The following PTPN2 variants were observed in gnomAD, a reference collection of about 807,000 sequenced individuals.
PTPN2 encodes protein tyrosine phosphatase non-receptor type 2.
PTPN2 carries 19 observed loss-of-function variants against 57.3 expected under a neutral mutation model. That is an observed-to-expected ratio of 0.33 (90% CI 0.23 to 0.49). PTPN2 has a LOEUF of 0.49. PTPN2 is among the 20% of genes least tolerant of loss of function. The pLI is 0.99. For synonymous variants in PTPN2, 153 were observed against 164.9 expected (o/e 0.93, Z 0.55); for missense variants, 358 against 501.1 (o/e 0.71, Z 2.73).
Position 12,792,166 on chromosome 18 carries a change from T to C in PTPN2, c.*2112A>G. On this transcript the variant is annotated 3_prime_UTR_variant, in exon 9 of 9. Coordinates refer to ENST00000309660, the MANE Select transcript of PTPN2 (RefSeq NM_002828.4). ...ACACAGGCACATGTTATATAAATCT[T>C]ATTTAATATGTAGTACCACCTACAT... The C allele has an allele frequency of 1.1e-5, 10 of 874,076 alleles. No homozygotes were observed. Among genetic ancestry groups the C allele is most frequent in the Non-Finnish European group, 1.4e-5 (10 of 727,950 alleles). 54.1% of individuals were successfully genotyped at this position (874,076 alleles called of 1,614,324 possible).
intron 1 of PTPN2, among the ~76,000 whole-genome samples, chr18:12,872,663 A>T (rs1023755168): frequency 1.3e-5 from 2 of 152,186 alleles, no homozygotes; most frequent in African/African-American, 4.8e-5. Context: ...CTAAAACCAC[A>T]TGCTAAGTTT....
chr18:12,841,154 G>A (rs1408489816), intron 2 of PTPN2, among the ~76,000 whole-genome samples: 1 of 152,166 alleles, frequency 6.6e-6, no homozygotes, highest in African/African-American at 2.4e-5. Context: ...ACCTGAATAG[G>A]CCTAGTGAGA....
chr18:12,833,317 T>C (rs959939478), intron 3 of PTPN2, among the ~76,000 whole-genome samples: 1 of 152,212 alleles, frequency 6.6e-6, no homozygotes, highest in African/African-American at 2.4e-5. Context: ...GTATCCTCCA[T>C]TCCAAACAAC....
At position 12,793,634 on chromosome 18, in the gene PTPN2, G is replaced by C. The variant is rs2041052670; in HGVS notation, c.*644C>G. 3.1e-6 allele frequency: 3 copies of C among 981,658 alleles called. No homozygotes were observed. Among genetic ancestry groups the C allele is most frequent in the Admixed American group, 6.1e-5 (1 of 16,276 alleles). The allele number at this position is 981,658 out of a possible 1,614,324, so 60.8% of individuals were successfully genotyped here. Reference sequence around the variant, plus strand: ...AAATTGCTTATTCCAACTTCTAACTGCTCATATCAAACTTCTCTTTAGAAA... The same window carrying C: ...AAATTGCTTATTCCAACTTCTAACTCCTCATATCAAACTTCTCTTTAGAAA... On this transcript the variant is annotated 3_prime_UTR_variant, in exon 9 of 9. Coordinates refer to ENST00000309660, the MANE Select transcript of PTPN2 (RefSeq NM_002828.4).
At position 12,870,293 on chromosome 18, in the gene PTPN2, A is replaced by G. The variant is rs1439681780; in HGVS notation, c.70-11039T>C. Among the ~76,000 whole-genome samples, 164 of 73,716 alleles carry G rather than the reference A, an allele frequency of 2.2e-3. 7 individuals are homozygous for G. Among genetic ancestry groups the G allele is most frequent in the African/African-American group, 0.011 (159 of 13,926 alleles). The allele number at this position is 73,716 out of a possible 152,430, so 48.4% of individuals were successfully genotyped here. Reference sequence around the variant, plus strand: ...TATATGTATATATATACATATACATATATATGTGTATATATACATATATAT... The same window carrying G: ...TATATGTATATATATACATATACATGTATATGTGTATATATACATATATAT... On this transcript the variant is annotated intron_variant, in intron 1 of 8. Coordinates refer to ENST00000309660, the MANE Select transcript of PTPN2 (RefSeq NM_002828.4).
intron 2 of PTPN2, among the ~76,000 whole-genome samples, chr18:12,848,581 T>C (rs2043289992): frequency 6.6e-6 from 1 of 152,244 alleles, no homozygotes; most frequent in South Asian, 2.1e-4. Context: ...AGTCCAGGTC[T>C]CATAGAGATG....
At chr18:12,788,527 C>G (rs2040903490), downstream of PTPN2, among the ~76,000 whole-genome samples, 1 of 150,434 alleles carries the variant, frequency 6.6e-6, no homozygotes, top group East Asian at 2.0e-4. Context: ...CCAGCCTCGG[C>G]CTCCCAAAGT....
intron 3 of PTPN2, among the ~76,000 whole-genome samples, chr18:12,836,464 G>GA (rs1031047159): frequency 3.9e-5 from 6 of 152,226 alleles, no homozygotes; most frequent in African/African-American, 1.4e-4. Flanking sequence ...CAGGGTATGG[G>GA]AAGAGAAAAG....
chr18:12,832,442 G>A (rs1435480321), intron 3 of PTPN2, among the ~76,000 whole-genome samples: 1 of 152,076 alleles, frequency 6.6e-6, no homozygotes, highest in African/African-American at 2.4e-5. Flanking sequence ...TAGGCCTGGT[G>A]TACTCCTTGG....
At chr18:12,856,239 G>A (rs1190121938) in intron 2 of PTPN2, among the ~76,000 whole-genome samples, 1 of 152,186 alleles carries the variant, frequency 6.6e-6, no homozygotes, top group Non-Finnish European at 1.5e-5. Flanking sequence ...GTGCCAAGGC[G>A]GTGTGGGGAT....
chr18:12,870,457 A>G (rs1465992225), intron 1 of PTPN2, among the ~76,000 whole-genome samples: 7 of 63,544 alleles, frequency 1.1e-4, no homozygotes, highest in African/African-American at 6.9e-4. Flanking sequence ...ATATATATAT[A>G]TATATAGAGA....
chr18:12,877,896 G>A (rs2044544278), intron 1 of PTPN2, among the ~76,000 whole-genome samples: 1 of 152,070 alleles, frequency 6.6e-6, no homozygotes. Context: ...CTGTAGTGTT[G>A]GCGGGCGCCT....
At chr18:12,800,795 G>C (rs1048312244) in intron 8 of PTPN2, among the ~76,000 whole-genome samples, 6 of 152,172 alleles carry the variant, frequency 3.9e-5, no homozygotes, top group African/African-American at 1.4e-4. Context: ...AGATGCAGGA[G>C]AGAGGAAAGA....
intron 1 of PTPN2, among the ~76,000 whole-genome samples, chr18:12,864,458 C>T (rs1378754718): frequency 1.3e-5 from 2 of 151,524 alleles, no homozygotes; most frequent in East Asian, 3.9e-4. Context: ...TGCAGTGGTG[C>T]AATCTCGGCT....
intron 5 of PTPN2, among the ~76,000 whole-genome samples, chr18:12,823,759 T>C (rs995698469): frequency 6.6e-6 from 1 of 152,158 alleles, no homozygotes; most frequent in Non-Finnish European, 1.5e-5. Context: ...TATAACCTAA[T>C]GGATTTTAAC....
intron 4 of PTPN2, among the ~76,000 whole-genome samples, chr18:12,829,180 G>C (rs1468200047): frequency 6.6e-6 from 1 of 152,034 alleles, no homozygotes; most frequent in Non-Finnish European, 1.5e-5. Flanking sequence ...TTACAGGTGT[G>C]AGCCACTGCA....
In PTPN2 at chr18:12,859,396, A is replaced by T. The variant is rs1278423188; in HGVS notation, c.70-142T>A. 17 of 562,716 alleles carry T rather than the reference A, an allele frequency of 3.0e-5. No homozygotes were observed. In the East Asian group the frequency reaches 4.5e-4, roughly 15 times the overall value. The allele number at this position is 562,716 out of a possible 1,614,324, so 34.9% of individuals were successfully genotyped here. On this transcript the variant is annotated intron_variant, in intron 1 of 8. Transcript: ENST00000309660. ...AGCACATTGTTTACATCAATTAATCATTTAATCCTCACAATACTAATGGAA... is the reference window on the plus strand; with the variant it reads ...AGCACATTGTTTACATCAATTAATCTTTTAATCCTCACAATACTAATGGAA...
chr18:12,823,569 G>A lies in PTPN2; in HGVS notation c.495+2241C>T, dbSNP rs187823413. Among the ~76,000 whole-genome samples, 231 of 152,172 alleles carry A rather than the reference G, an allele frequency of 1.5e-3. 2 individuals are homozygous for A. The Middle Eastern group carries it at 0.017, about 11-fold the overall frequency. ...GCACACCTGTATTCCCAGCTACTCGGGAGGCTAGGACAGGAGAATCACTTG... is the reference window on the plus strand; with the variant it reads ...GCACACCTGTATTCCCAGCTACTCGAGAGGCTAGGACAGGAGAATCACTTG... On this transcript the variant is annotated intron_variant, in intron 5 of 8. Transcript: ENST00000309660.
At chr18:12,817,106 T>C in intron 6 of PTPN2, 50 bp downstream of exon 6, 1 of 1,534,276 alleles carries the variant, frequency 6.5e-7, no homozygotes, top group Non-Finnish European at 8.9e-7. Flanking sequence ...TGGAAGCAAT[T>C]TAAAAAAAAA....
Sources: allele counts gnomAD v4.1 joint callset (sites outside exome capture counted in the v4.1 genomes callset), GRCh38; gene constraint gnomAD v4.1.1; transcripts MANE v1.5; gene names NCBI Gene and HGNC (gene_info 2026-07-23, HGNC 2026-07-21).